ARK2C: variants seen among roughly 807,000 people sequenced by gnomAD.
The protein encoded by ARK2C is E3 ubiquitin-protein ligase ARK2C.
the ARK2C span, chr18:46,462,357 CCTT>C: frequency 6.5e-6 from 1 of 153,098 alleles, no homozygotes; most frequent in East Asian, 1.9e-4. Flanking sequence ...AGCTTATCCT[CCTT>C]CTTCCCTCTT....
chr18:46,376,601 A>G, the ARK2C span, among the ~76,000 whole-genome samples: 1 of 151,106 alleles, frequency 6.6e-6, no homozygotes, highest in Non-Finnish European at 1.5e-5. Context: ...CTTGGAAAGA[A>G]ATTTCTTTTG....
the ARK2C span, among the ~76,000 whole-genome samples, chr18:46,415,055 G>T: frequency 6.6e-6 from 1 of 152,208 alleles, no homozygotes; most frequent in African/African-American, 2.4e-5. Context: ...AGGGGAGGGA[G>T]CAGAAGCCAA....
At chr18:46,364,612 G>A in the ARK2C span, among the ~76,000 whole-genome samples, 1 of 152,162 alleles carries the variant, frequency 6.6e-6, no homozygotes, top group African/African-American at 2.4e-5. Flanking sequence ...GCTTATAGCT[G>A]GATTTTGTTT....
chr18:46,417,933 G>A, the ARK2C span, among the ~76,000 whole-genome samples: 1 of 152,016 alleles, frequency 6.6e-6, no homozygotes, highest in South Asian at 2.1e-4. Flanking sequence ...GAACCTGGGA[G>A]GTGGAGGTTG....
the ARK2C span, among the ~76,000 whole-genome samples, chr18:46,411,943 TG>T: frequency 6.6e-6 from 1 of 151,976 alleles, no homozygotes; most frequent in Admixed American, 6.6e-5. Context: ...CTCCCTGGAG[TG>T]GGGTCGATGA....
At chr18:46,452,335 AG>A in the ARK2C span, among the ~76,000 whole-genome samples, 2 of 152,196 alleles carry the variant, frequency 1.3e-5, no homozygotes, top group South Asian at 2.1e-4. Context: ...GCTGGAGTGC[AG>A]TGGCACGATC....
the ARK2C span, among the ~76,000 whole-genome samples, chr18:46,406,811 G>A: frequency 6.6e-6 from 1 of 152,220 alleles, no homozygotes; most frequent in Admixed American, 6.5e-5. Context: ...TTGGCGTTGG[G>A]CCTGGCAGGT....
At chr18:46,369,318 C>T in the ARK2C span, among the ~76,000 whole-genome samples, 4 of 151,940 alleles carry the variant, frequency 2.6e-5, no homozygotes, top group African/African-American at 9.7e-5. Context: ...CTGGGATTTA[C>T]TGGAGAAGCA....
the ARK2C span, among the ~76,000 whole-genome samples, chr18:46,451,699 G>A: frequency 1.3e-5 from 2 of 152,116 alleles, no homozygotes; most frequent in Admixed American, 1.3e-4. Flanking sequence ...TAGTTACTAG[G>A]GAGGCTGAGG....
the ARK2C span, chr18:46,447,481 C>T: frequency 2.6e-6 from 4 of 1,512,896 alleles, no homozygotes; most frequent in African/African-American, 1.4e-5. Context: ...AATTCTACTC[C>T]ATAGGCTTGA....
At chr18:46,425,750 C>A in the ARK2C span, among the ~76,000 whole-genome samples, 2 of 152,172 alleles carry the variant, frequency 1.3e-5, no homozygotes. Context: ...CTCTTGGTGT[C>A]CTGGCCCTAT....
At chr18:46,438,954 A>C in the ARK2C span, among the ~76,000 whole-genome samples, 3 of 152,208 alleles carry the variant, frequency 2.0e-5, no homozygotes, top group African/African-American at 7.2e-5. Context: ...TTAGCTAGAG[A>C]GGGTCTCACA....
chr18:46,426,292 G>A, the ARK2C span, among the ~76,000 whole-genome samples: 1 of 152,188 alleles, frequency 6.6e-6, no homozygotes, highest in Non-Finnish European at 1.5e-5. Flanking sequence ...CCCAGGCAAG[G>A]CAGTGAGCCT....
chr18:46,361,368 A>T, the ARK2C span, among the ~76,000 whole-genome samples: 20 of 152,350 alleles, frequency 1.3e-4, no homozygotes, highest in Admixed American at 1.3e-3. Flanking sequence ...AAATCATTAC[A>T]TATGTCTGTG....
At chr18:46,393,358 G>A in the ARK2C span, among the ~76,000 whole-genome samples, 1 of 152,180 alleles carries the variant, frequency 6.6e-6, no homozygotes, top group Admixed American at 6.5e-5. Flanking sequence ...GCCAGGCCCT[G>A]CCTGACAGGC....
chr18:46,421,866 G>C, the ARK2C span, among the ~76,000 whole-genome samples: 1 of 152,284 alleles, frequency 6.6e-6, no homozygotes, highest in East Asian at 1.9e-4. Context: ...CTTTTCATTA[G>C]AGATCAAAGC....
chr18:46,369,238 C>T, the ARK2C span, among the ~76,000 whole-genome samples: 1 of 152,028 alleles, frequency 6.6e-6, no homozygotes, highest in African/African-American at 2.4e-5. Context: ...ACCCAGGAGC[C>T]AATTGAAGGG....
the ARK2C span, among the ~76,000 whole-genome samples, chr18:46,406,374 G>A: frequency 1.3e-5 from 2 of 152,218 alleles, no homozygotes; most frequent in South Asian, 4.1e-4. Flanking sequence ...ATTGCCCTGT[G>A]GGTGCTGGCC....
At chr18:46,350,644 G>A in the ARK2C span, among the ~76,000 whole-genome samples, 12 of 152,158 alleles carry the variant, frequency 7.9e-5, no homozygotes, top group South Asian at 2.1e-4. Flanking sequence ...CTCCTGCCAC[G>A]CTCGGTGGTG....
Sources: gnomAD v4.1 joint callset for allele counts (sites outside exome capture counted in the v4.1 genomes callset) on GRCh38, gnomAD v4.1.1 for gene constraint, MANE v1.5 for transcripts, NCBI Gene and HGNC (gene_info 2026-07-23, HGNC 2026-07-21) for gene names.